NDUFS6: variants seen among roughly 807,000 people sequenced by gnomAD.
NDUFS6 encodes NADH dehydrogenase [ubiquinone] iron-sulfur protein 6, mitochondrial.
Under a neutral mutation model 13.2 loss-of-function variants are expected in NDUFS6, and 14 were observed. The ratio of observed to expected loss-of-function variants is 1.06; its 90% CI spans 0.70 to 1.66. NDUFS6 has a LOEUF of 1.66. NDUFS6 is among the 40% of genes most tolerant of loss of function. The probability of loss-of-function intolerance (pLI) is 0.00; values close to 1 mark genes in which losing one functional copy is unlikely to be tolerated. For missense variants in NDUFS6, 206 were observed against 170.8 expected (o/e 1.21, Z -1.15); for synonymous variants, 95 against 72.3 (o/e 1.31, Z -1.60).
chr5:1,808,381 ATCT>A (rs1396630632), intron 2 of NDUFS6, among the ~76,000 whole-genome samples: 2 of 152,330 alleles, frequency 1.3e-5, no homozygotes, highest in African/African-American at 4.8e-5. Context: ...TTTAAAAGAA[ATCT>A]TCTGGATGGA....
In NDUFS6 at chr5:1,814,091, G is replaced by C. The variant is rs547858239; in HGVS notation, c.187-248G>C. Among the ~76,000 whole-genome samples the C allele has an allele frequency of 7.3e-4, 111 of 152,346 alleles. 1 individual carries two copies. Among genetic ancestry groups the C allele is most frequent in the African/African-American group, 2.5e-3 (106 of 41,584 alleles). On this transcript the variant is annotated intron_variant, in intron 2 of 3. Transcript: ENST00000274137. The surrounding 1 kb of genome is among the most constrained non-coding windows in gnomAD (Gnocchi z 4.9). The stretch of plus-strand genomic sequence containing the variant: ...TGTCAGCATTTGCTGGGTCCACGGG[G>C]ACAGAAGGGAAAGGCTCTGTGCTGC...
At chr5:1,801,598 G>A (rs1734043470) in intron 1 of NDUFS6, 49 bp downstream of exon 1, 2 of 1,531,582 alleles carry the variant, frequency 1.3e-6, no homozygotes, top group Non-Finnish European at 1.7e-6. Context: ...CGCACCTCGG[G>A]CGACTGGTGG....
rs764991738 is a variant in NDUFS6, at chr5:1,814,474, C to T, written c.309+13C>T. On this transcript the variant is annotated intron_variant, in intron 3 of 3. Transcript: ENST00000274137. This position sits in a 1 kb window ranked among gnomAD's most constrained non-coding sequence, Gnocchi z 4.9. ...GTATATAAACTTGGTGCGTAGCTGG[C>T]CACCTGTGCACATGTTAGGGCAGCC... 3 of 1,614,016 alleles carry T rather than the reference C, an allele frequency of 1.9e-6. No individual in the cohort carries two copies. The highest frequency in any genetic ancestry group is 2.7e-5 in the African/African-American group (2 of 74,906).
At position 1,808,082 on chromosome 5, in the gene NDUFS6, G is replaced by C. The variant is rs3822363; in HGVS notation, c.186+5708G>C. ...GAGGAAGATTGAATTGAGGGGCCTC[G>C]GAATTCCACCCTCCGCCTTTGCAGG... On this transcript the variant is annotated intron_variant, in intron 2 of 3. Transcript: ENST00000274137. Among the ~76,000 whole-genome samples the C allele has an allele frequency of 2.3e-4, 35 of 152,286 alleles. No individual in the cohort carries two copies. In the East Asian group the frequency reaches 6.6e-3, roughly 29 times the overall value.
At position 1,814,200 on chromosome 5, in the gene NDUFS6, G is replaced by T; in HGVS notation, c.187-139G>T. The T allele has an allele frequency of 7.9e-7, 1 of 1,261,138 alleles. No homozygotes were observed. Among genetic ancestry groups the T allele is most frequent in the Non-Finnish European group, 1.1e-6 (1 of 874,154 alleles). 78.1% of individuals were successfully genotyped at this position (1,261,138 alleles called of 1,614,324 possible). A position where few individuals can be genotyped will look rare whatever the true frequency, so the allele number is the denominator to read the frequency against. On this transcript the variant is annotated intron_variant, in intron 2 of 3. Transcript: ENST00000274137. This position sits in a 1 kb window ranked among gnomAD's most constrained non-coding sequence, Gnocchi z 4.9. ...GTGTGTAGGCCCTGAATTTAATAAG[G>T]TCTACAATGATAATAGTTAAATGAA...
intron 2 of NDUFS6, among the ~76,000 whole-genome samples, chr5:1,810,622 G>A (rs1359099320): frequency 1.3e-5 from 2 of 152,188 alleles, no homozygotes; most frequent in Non-Finnish European, 2.9e-5. Flanking sequence ...GAAACAGAGG[G>A]AATAGTCTAA....
At chr5:1,813,229 G>A (rs997797511) in intron 2 of NDUFS6, among the ~76,000 whole-genome samples, 4 of 152,240 alleles carry the variant, frequency 2.6e-5, no homozygotes, top group East Asian at 1.9e-4. Context: ...CTTTGGAAGC[G>A]GTTTTATTCT....
At chr5:1,810,128 C>T (rs1490555801) in intron 2 of NDUFS6, among the ~76,000 whole-genome samples, 1 of 152,340 alleles carries the variant, frequency 6.6e-6, no homozygotes, top group East Asian at 1.9e-4. Context: ...CTCTAGTCTC[C>T]AGAAATGAGT....
At chr5:1,807,293 T>G (rs4975849) in intron 2 of NDUFS6, among the ~76,000 whole-genome samples, 112,039 of 151,886 alleles carry the variant, frequency 0.74, 44,423 homozygotes, top group Non-Finnish European at 0.88. Flanking sequence ...GGGGGTGAAT[T>G]TGGAGTTAGT....
rs1014264454 is a variant in NDUFS6 at position 1,801,484 on chromosome 5, C to T, written c.67C>T (p.Leu23=). ...RCGEAARSLP[L]GARCFGVRVS... ...TGGCGAGGCGGCGCGGAGCCTGCCC[C>T]TGGGCGCCAGGTGTTTCGGGGTGCG... is the stretch of plus-strand genomic sequence containing the variant. The change falls in exon 1 of 4, where the codon CTG becomes TTG. Residue 23 remains leucine, a synonymous_variant. Transcript: ENST00000274137. 58 of 1,603,194 alleles carry T rather than the reference C, an allele frequency of 3.6e-5. No homozygotes were observed. The South Asian group carries it at 5.2e-4, about 14-fold the overall frequency.
chr5:1,803,812 A>G (rs1299867499), intron 2 of NDUFS6, among the ~76,000 whole-genome samples: 1 of 152,262 alleles, frequency 6.6e-6, no homozygotes, highest in African/African-American at 2.4e-5. Flanking sequence ...TTCCGTGTGC[A>G]GGCTGTCCTG....
At chr5:1,815,589 G>C (rs954645915) in intron 3 of NDUFS6, among the ~76,000 whole-genome samples, 1 of 152,218 alleles carries the variant, frequency 6.6e-6, no homozygotes, top group Non-Finnish European at 1.5e-5. Flanking sequence ...CCGCTGAGGT[G>C]TGGGGAGTGA....
chr5:1,812,538 T>TTTTTTTTTTTTTTTGAGACGG (rs1333547540), intron 2 of NDUFS6, among the ~76,000 whole-genome samples: 1 of 138,792 alleles, frequency 7.2e-6, no homozygotes, highest in Non-Finnish European at 1.6e-5. Context: ...ACTCCTCTTT[T>TTTTTTTTTTTTTTTGAGACGG]AACACAACCT....
rs533854362 is a variant in NDUFS6 at position 1,814,236 on chromosome 5, T to C, written c.187-103T>C. On this transcript the variant is annotated intron_variant, in intron 2 of 3. Transcript: ENST00000274137. This position sits in a 1 kb window ranked among gnomAD's most constrained non-coding sequence, Gnocchi z 4.9. Reference sequence around the variant, plus strand: ...TAATAGTTAAATGAAGCATGCACCATAGATTCGTGCTGATGGTACATGAAT... The same window carrying C: ...TAATAGTTAAATGAAGCATGCACCACAGATTCGTGCTGATGGTACATGAAT... 70 of 1,491,276 alleles carry C rather than the reference T, an allele frequency of 4.7e-5. No homozygotes were observed. In the South Asian group the frequency reaches 4.8e-4, roughly 10 times the overall value. The allele number at this position is 1,491,276 out of a possible 1,614,324, so 92.4% of individuals were successfully genotyped here.
intron 3 of NDUFS6, among the ~76,000 whole-genome samples, chr5:1,815,078 C>A (rs531507879): frequency 6.6e-6 from 1 of 152,126 alleles, no homozygotes; most frequent in African/African-American, 2.4e-5. Context: ...GGGGGGCACA[C>A]GGTTTATTTT....
At chr5:1,806,390 A>C (rs1734123353) in intron 2 of NDUFS6, among the ~76,000 whole-genome samples, 1 of 152,148 alleles carries the variant, frequency 6.6e-6, no homozygotes. Context: ...ACGTTTTCTG[A>C]GACACCTAGG....
At position 1,802,304 on chromosome 5, in the gene NDUFS6, T is replaced by G; in HGVS notation, c.133-17T>G. The G allele has an allele frequency of 6.2e-7, 1 of 1,613,020 alleles. No individual in the cohort carries two copies. Among genetic ancestry groups the G allele is most frequent in the Non-Finnish European group, 8.5e-7 (1 of 1,179,148 alleles). On this transcript the variant is annotated splice_polypyrimidine_tract_variant and intron_variant, in intron 1 of 3. Coordinates refer to ENST00000274137, the MANE Select transcript of NDUFS6 (RefSeq NM_004553.6). ...TAGGCCGTAAAAGTCACACATGGTC[T>G]TTTTGTTTTTTTCCAGGTTTATGAT...
chr5:1,803,564 C>T (rs1246030285), intron 2 of NDUFS6, among the ~76,000 whole-genome samples: 1 of 152,168 alleles, frequency 6.6e-6, no homozygotes, highest in Non-Finnish European at 1.5e-5. Context: ...GAAATGGAAC[C>T]ATGTGAATAT....
rs374158862 is a variant in NDUFS6 at position 1,802,363 on chromosome 5, C to T, written c.175C>T (p.Arg59Cys). 1.2e-6 allele frequency: 2 copies of T among 1,613,414 alleles called. No homozygotes were observed. Among genetic ancestry groups the T allele is most frequent in the African/African-American group, 2.7e-5 (2 of 74,794 alleles). The change falls in exon 2 of 4, where the codon CGT becomes TGT. Residue 59 changes from arginine (R) to cysteine (C), a missense_variant. Coordinates refer to ENST00000274137, the MANE Select transcript of NDUFS6 (RefSeq NM_004553.6). ...KDYRRIRFVGRQKEVNENFAI... is the reference protein window; with the variant it reads ...KDYRRIRFVGCQKEVNENFAI... ...CTACAGGAGAATTCGGTTTGTAGGT[C>T]GTCAGAAAGAGGTGAGTAAAAAATC...
Sources: gnomAD v4.1 joint callset for allele counts (sites outside exome capture counted in the v4.1 genomes callset) on GRCh38, gnomAD v4.1.1 for gene constraint, Gnocchi (gnomAD v3.1) non-coding constraint, MANE v1.5 for transcripts, NCBI Gene and HGNC (gene_info 2026-07-23, HGNC 2026-07-21) for gene names.